Variants in PTPRD observed in about 807,000 individuals in gnomAD.
PTPRD encodes the protein receptor-type tyrosine-protein phosphatase delta.
Under a neutral mutation model 214.5 loss-of-function variants are expected in PTPRD, and 34 were observed. That is an observed-to-expected ratio of 0.16 (90% confidence interval 0.12 to 0.21). The LOEUF is 0.21. Among genes scored for constraint, PTPRD ranks in the 10% least tolerant of loss-of-function variants. The pLI is 1.00. For missense variants in PTPRD, 2,545 were observed against 2,398.7 expected (o/e 1.06, Z -1.27); for synonymous variants, 1,128 against 845.7 (o/e 1.33, Z -5.79).
intron 2 of PTPRD, among the ~76,000 whole-genome samples, chr9:10,450,084 C>A (rs1283870262): frequency 6.6e-6 from 1 of 151,634 alleles, no homozygotes; most frequent in Non-Finnish European, 1.5e-5. Flanking sequence ...ATCTCAAGTA[C>A]CCAGGGACAC....
At chr9:10,259,499 C>A (rs2093551533) in intron 3 of PTPRD, among the ~76,000 whole-genome samples, 1 of 152,136 alleles carries the variant, frequency 6.6e-6, no homozygotes, top group East Asian at 1.9e-4. Flanking sequence ...AAGAAATCCT[C>A]CAAATAGGAG....
rs530838063 is a variant in PTPRD, at chr9:8,761,014, G to T, written c.-103-27068C>A. On this transcript the variant is annotated intron_variant, in intron 11 of 45. Transcript: ENST00000381196. ...CTTTAGTCCCTTTTTTCACTAAAAG[G>T]TTTATAATTTGGGGCAAGAAGGACA... Among the ~76,000 whole-genome samples the T allele has an allele frequency of 2.6e-5, 4 of 152,146 alleles. No individual in the cohort carries two copies. In the East Asian group the frequency reaches 5.8e-4, roughly 22 times the overall value.
chr9:9,464,561 G>T (rs10491613), intron 8 of PTPRD, among the ~76,000 whole-genome samples: 37,977 of 151,902 alleles, frequency 0.25, 5,139 homozygotes, highest in Middle Eastern at 0.33. Flanking sequence ...GACACATTTA[G>T]TGGTATGTTT....
At chr9:8,656,711 G>A (rs1048801664) in intron 12 of PTPRD, among the ~76,000 whole-genome samples, 1 of 152,186 alleles carries the variant, frequency 6.6e-6, no homozygotes, top group African/African-American at 2.4e-5. Flanking sequence ...TTTGGATTTA[G>A]CAGAATATCT....
At chr9:10,454,222 C>T (rs533951636) in intron 2 of PTPRD, among the ~76,000 whole-genome samples, 1 of 151,482 alleles carries the variant, frequency 6.6e-6, no homozygotes, top group African/African-American at 2.4e-5. Context: ...TGTTTAATTA[C>T]AAAGGCCACA....
chr9:8,999,897 C>A (rs2099411131), intron 11 of PTPRD, among the ~76,000 whole-genome samples: 1 of 151,918 alleles, frequency 6.6e-6, no homozygotes, highest in African/African-American at 2.4e-5. Flanking sequence ...AAAATAAATC[C>A]TCTCAACAAT....
At chr9:10,057,262 G>A (rs2097670096) in intron 3 of PTPRD, among the ~76,000 whole-genome samples, 1 of 152,062 alleles carries the variant, frequency 6.6e-6, no homozygotes, top group Non-Finnish European at 1.5e-5. Flanking sequence ...TAAACTACTG[G>A]TGCACTACTA....
At chr9:9,954,306 A>AC (rs1410450880) in intron 4 of PTPRD, among the ~76,000 whole-genome samples, 2 of 146,326 alleles carry the variant, frequency 1.4e-5, no homozygotes, top group South Asian at 2.1e-4. Context: ...ACAAAAAAAA[A>AC]AAAAAAAAAA....
intron 8 of PTPRD, among the ~76,000 whole-genome samples, chr9:9,441,305 A>G (rs1373819777): frequency 6.6e-6 from 1 of 152,206 alleles, no homozygotes; most frequent in Non-Finnish European, 1.5e-5. Context: ...TGAGTTAGGG[A>G]AGAAGGGCTT....
chr9:9,010,890 G>A (rs879494569), intron 11 of PTPRD, among the ~76,000 whole-genome samples: 13 of 152,040 alleles, frequency 8.6e-5, no homozygotes, highest in East Asian at 1.9e-4. Flanking sequence ...AATATTATCC[G>A]CTTATTGCAC....
At chr9:8,533,136 T>C (rs1341181042) in intron 14 of PTPRD, among the ~76,000 whole-genome samples, 1 of 152,078 alleles carries the variant, frequency 6.6e-6, no homozygotes, top group Non-Finnish European at 1.5e-5. Context: ...ATATTAACGA[T>C]GCTCTTACTT....
intron 3 of PTPRD, among the ~76,000 whole-genome samples, chr9:10,285,530 T>C (rs1211512407): frequency 1.3e-5 from 2 of 151,854 alleles, no homozygotes; most frequent in Non-Finnish European, 2.9e-5. Flanking sequence ...GCAAGGCTGC[T>C]TGGGTTGAAC....
At chr9:10,154,381 G>A (rs974941734) in intron 3 of PTPRD, among the ~76,000 whole-genome samples, 66 of 152,200 alleles carry the variant, frequency 4.3e-4, no homozygotes, top group African/African-American at 1.5e-3. Flanking sequence ...TTTGTCAAAT[G>A]TACAATTTGA....
intron 3 of PTPRD, among the ~76,000 whole-genome samples, chr9:10,181,418 A>C (rs905457261): frequency 1.3e-5 from 2 of 152,136 alleles, no homozygotes; most frequent in African/African-American, 4.8e-5. Flanking sequence ...GTGACTTGAC[A>C]TTGTGGATAT....
chr9:10,163,976 G>A (rs1354517600), intron 3 of PTPRD, among the ~76,000 whole-genome samples: 2 of 150,984 alleles, frequency 1.3e-5, no homozygotes, highest in East Asian at 1.9e-4. Context: ...TAGTCTATAT[G>A]GCAATGAACT....
At chr9:9,927,522 G>C (rs1278483648) in intron 5 of PTPRD, among the ~76,000 whole-genome samples, 1 of 151,994 alleles carries the variant, frequency 6.6e-6, no homozygotes, top group Non-Finnish European at 1.5e-5. Context: ...AAAATTACTG[G>C]TCTGTCTTCT....
chr9:9,355,528 T>A (rs1323721706), intron 9 of PTPRD, among the ~76,000 whole-genome samples: 1 of 151,448 alleles, frequency 6.6e-6, no homozygotes, highest in African/African-American at 2.4e-5. Context: ...ACACAAGGAG[T>A]TGCTATCATT....
At chr9:9,654,726 G>C (rs560549356) in intron 7 of PTPRD, among the ~76,000 whole-genome samples, 2 of 152,240 alleles carry the variant, frequency 1.3e-5, no homozygotes, top group East Asian at 3.9e-4. Context: ...TCAAAAGCAA[G>C]ACATTGTCAA....
intron 9 of PTPRD, among the ~76,000 whole-genome samples, chr9:9,229,463 T>G (rs2099961713): frequency 6.6e-6 from 1 of 152,094 alleles, no homozygotes; most frequent in Non-Finnish European, 1.5e-5. Context: ...AATCCTTCAT[T>G]GCGCCCTTAC....
Sources: gnomAD v4.1 joint callset for allele counts (sites outside exome capture counted in the v4.1 genomes callset) on GRCh38, gnomAD v4.1.1 for gene constraint, MANE v1.5 for transcripts, NCBI Gene and HGNC (gene_info 2026-07-23, HGNC 2026-07-21) for gene names.